The following LARP1 variants were observed in gnomAD, a reference collection of about 807,000 sequenced individuals.
LARP1 encodes la-related protein 1.
In LARP1, 36 loss-of-function variants were observed where a neutral mutation model predicts 122.7. That is an observed-to-expected ratio of 0.29 (90% CI 0.22 to 0.39). The LOEUF is 0.39. Ranked by LOEUF, LARP1 falls within the 10% of genes least tolerant of loss-of-function variation. LARP1 has a pLI of 1.00. For synonymous variants in LARP1, 539 were observed against 528.7 expected (o/e 1.02, Z -0.27); for missense variants, 1,040 against 1,403.6 (o/e 0.74, Z 4.14).
chr5:154,696,230 G>A (rs945769124), intron 1 of LARP1, among the ~76,000 whole-genome samples: 1 of 151,766 alleles, frequency 6.6e-6, no homozygotes, highest in Non-Finnish European at 1.5e-5. Flanking sequence ...GGTGGCATGT[G>A]CCTGTAGTCC....
chr5:154,738,116 G>A (rs1757013936), intron 1 of LARP1, among the ~76,000 whole-genome samples: 1 of 152,176 alleles, frequency 6.6e-6, no homozygotes, highest in Admixed American at 6.6e-5. Flanking sequence ...ACGATCTGAT[G>A]GACACAGACA....
intron 1 of LARP1, among the ~76,000 whole-genome samples, chr5:154,692,090 C>G (rs1754247018): frequency 6.6e-6 from 1 of 152,236 alleles, no homozygotes. Context: ...CCGCTCCCAG[C>G]CCTGCTGGTC....
intron 1 of LARP1, among the ~76,000 whole-genome samples, chr5:154,779,918 C>T (rs1022484526): frequency 6.6e-6 from 1 of 152,128 alleles, no homozygotes; most frequent in Non-Finnish European, 1.5e-5. Context: ...GTCCTGTCTC[C>T]ATGTTCATAG....
At chr5:154,762,084 T>TA (rs995505358) in intron 1 of LARP1, among the ~76,000 whole-genome samples, 1 of 151,976 alleles carries the variant, frequency 6.6e-6, no homozygotes, top group African/African-American at 2.4e-5. Context: ...CTACTAAAAA[T>TA]ACAAAAAAAT....
At chr5:154,776,326 A>G (rs946028531) in intron 1 of LARP1, among the ~76,000 whole-genome samples, 1 of 152,290 alleles carries the variant, frequency 6.6e-6, no homozygotes. Context: ...GCCCAGACTG[A>G]TCCCTTGTGA....
intron 1 of LARP1, among the ~76,000 whole-genome samples, chr5:154,765,422 AGTCT>A (rs1328940268): frequency 1.3e-5 from 2 of 152,204 alleles, no homozygotes; most frequent in East Asian, 3.9e-4. Flanking sequence ...GCAGGGTCTG[AGTCT>A]GTCATCCAGC....
At chr5:154,733,560 T>C (rs1756707138) in intron 1 of LARP1, among the ~76,000 whole-genome samples, 1 of 61,316 alleles carries the variant, frequency 1.6e-5, no homozygotes, top group South Asian at 9.3e-4. Context: ...TTATCTTTTC[T>C]TTCTTTCTTT....
intron 1 of LARP1, among the ~76,000 whole-genome samples, chr5:154,695,405 T>A (rs1323690176): frequency 6.6e-6 from 1 of 151,932 alleles, no homozygotes; most frequent in Non-Finnish European, 1.5e-5. Flanking sequence ...TGCATGTAAA[T>A]CCCAGTACTT....
chr5:154,731,539 C>G (rs1756567464), intron 1 of LARP1, among the ~76,000 whole-genome samples: 1 of 152,124 alleles, frequency 6.6e-6, no homozygotes, highest in Admixed American at 6.6e-5. Context: ...CTGATCCTTT[C>G]CCTGCAACCA....
chr5:154,695,945 A>T (rs1754452568), intron 1 of LARP1, among the ~76,000 whole-genome samples: 2 of 152,160 alleles, frequency 1.3e-5, no homozygotes, highest in African/African-American at 4.8e-5. Context: ...TATGGAGGTG[A>T]TGTACGCTAG....
chr5:154,762,984 A>G (rs1447495426), intron 1 of LARP1, among the ~76,000 whole-genome samples: 1 of 151,908 alleles, frequency 6.6e-6, no homozygotes, highest in Non-Finnish European at 1.5e-5. Context: ...ATAGTACTGG[A>G]ATAGTCACCA....
At position 154,736,536 on chromosome 5, in the gene LARP1, TTTTATTTATTTA is replaced by T. The variant is rs56109800; in HGVS notation, c.205+23442_205+23453del. On this transcript the variant is annotated intron_variant, in intron 1 of 18. Coordinates refer to the LARP1 transcript ENST00000336314. Reference sequence around the variant, plus strand: ...TTGAGCCACACCCTGCCTGGCCTATTTTTATTTATTTATTTATTTATTTATTTATTTATTTAT... The same window carrying T: ...TTGAGCCACACCCTGCCTGGCCTATTTTTATTTATTTATTTATTTATTTAT... 6.7e-3 allele frequency among the ~76,000 whole-genome samples: 888 copies of T among 133,200 alleles called. 1 individual carries two copies. The highest frequency in any genetic ancestry group is 9.2e-3 in the Non-Finnish European group (579 of 63,030). The allele number at this position is 133,200 out of a possible 152,430, so 87.4% of individuals were successfully genotyped here. A position where few individuals can be genotyped will look rare whatever the true frequency, so the allele number is the denominator to read the frequency against.
At chr5:154,759,303 T>C (rs1013696428) in intron 1 of LARP1, among the ~76,000 whole-genome samples, 2 of 152,328 alleles carry the variant, frequency 1.3e-5, no homozygotes, top group South Asian at 4.2e-4. Flanking sequence ...TCTCTGGTTT[T>C]CTCTACCTGT....
At chr5:154,715,264 CTTTTT>C (rs35808885) in intron 1 of LARP1, among the ~76,000 whole-genome samples, 2 of 90,232 alleles carry the variant, frequency 2.2e-5, no homozygotes, top group Non-Finnish European at 2.0e-5. Context: ...GCAAGCCTCT[CTTTTT>C]TTTTTTTTTT....
At chr5:154,789,479 C>G (rs924823576) in intron 1 of LARP1, among the ~76,000 whole-genome samples, 10 of 152,038 alleles carry the variant, frequency 6.6e-5, no homozygotes, top group African/African-American at 2.2e-4. Context: ...CCTTGGCCCC[C>G]CAAAGTGCTG....
At chr5:154,692,184 C>T (rs1447396817) in intron 1 of LARP1, among the ~76,000 whole-genome samples, 1 of 152,226 alleles carries the variant, frequency 6.6e-6, no homozygotes, top group Non-Finnish European at 1.5e-5. Context: ...GGCCTATCTC[C>T]ATCTGCCCCA....
rs965446459 is a variant in LARP1 at position 154,817,070 on chromosome 5, G to C, written c.*2974G>C. The C allele has an allele frequency of 6.7e-6, 1 of 149,736 alleles. No individual in the cohort carries two copies. The highest frequency in any genetic ancestry group is 2.5e-5 in the African/African-American group (1 of 40,336). 9.3% of individuals were successfully genotyped at this position (149,736 alleles called of 1,614,324 possible). ...TGATTGATTTTACAAAAGAAAGTAA[G>C]CTGCTTAGAAGGCCCTGGAAGGGAA... On this transcript the variant is annotated 3_prime_UTR_variant, in exon 19 of 19. Coordinates refer to ENST00000518297, the MANE Select transcript of LARP1 (RefSeq NM_033551.3).
At chr5:154,800,619 T>C (rs902088952) in intron 10 of LARP1, among the ~76,000 whole-genome samples, 10 of 152,164 alleles carry the variant, frequency 6.6e-5, no homozygotes, top group African/African-American at 2.4e-4. Flanking sequence ...AGTTTATATA[T>C]ATAAACAGAT....
intron 1 of LARP1, among the ~76,000 whole-genome samples, chr5:154,735,642 C>T (rs1000014446): frequency 6.6e-6 from 1 of 151,412 alleles, no homozygotes; most frequent in South Asian, 2.1e-4. Flanking sequence ...GATCTCGGCT[C>T]ATTGAAACCT....
Sources: allele counts gnomAD v4.1 joint callset (sites outside exome capture counted in the v4.1 genomes callset), GRCh38; gene constraint gnomAD v4.1.1; transcripts MANE v1.5; gene names NCBI Gene and HGNC (gene_info 2026-07-23, HGNC 2026-07-21).